The following THSD7A variants were observed in gnomAD, a reference collection of about 807,000 sequenced individuals.
THSD7A encodes thrombospondin type-1 domain-containing protein 7A.
In THSD7A, 96 loss-of-function variants were observed where a neutral mutation model predicts 231.3. The ratio of observed to expected loss-of-function variants is 0.41; its 90% CI spans 0.35 to 0.49. The LOEUF (loss-of-function observed/expected upper bound fraction) is 0.49. THSD7A is among the 20% of genes least tolerant of loss of function. THSD7A has a pLI of 0.05. For missense variants in THSD7A, 2,290 were observed against 2,070.2 expected (o/e 1.11, Z -2.06); for synonymous variants, 940 against 743.3 (o/e 1.26, Z -4.30).
At chr7:11,812,897 A>T (rs1784574105) in intron 1 of THSD7A, among the ~76,000 whole-genome samples, 1 of 152,132 alleles carries the variant, frequency 6.6e-6, no homozygotes, top group Non-Finnish European at 1.5e-5. Context: ...CAGGTACCTG[A>T]GTTTATTCTT....
At chr7:11,540,376 C>A (rs1789093766) in intron 6 of THSD7A, among the ~76,000 whole-genome samples, 1 of 152,170 alleles carries the variant, frequency 6.6e-6, no homozygotes, top group Non-Finnish European at 1.5e-5. Context: ...TTCTTTACGA[C>A]TGAACAGTGA....
At chr7:11,423,040 A>C (rs1248089640) in intron 16 of THSD7A, among the ~76,000 whole-genome samples, 2 of 152,166 alleles carry the variant, frequency 1.3e-5, no homozygotes, top group Non-Finnish European at 2.9e-5. Context: ...ATTTGAAAGG[A>C]GAATAGTGGA....
At chr7:11,771,707 A>C (rs1403298408) in intron 1 of THSD7A, among the ~76,000 whole-genome samples, 3 of 152,124 alleles carry the variant, frequency 2.0e-5, no homozygotes, top group African/African-American at 7.2e-5. Flanking sequence ...CTAATTGATA[A>C]GGTTTGGATC....
chr7:11,829,273 T>C (rs967058688), intron 1 of THSD7A, among the ~76,000 whole-genome samples: 4 of 151,852 alleles, frequency 2.6e-5, no homozygotes, highest in African/African-American at 9.7e-5. Flanking sequence ...CCCTTATTTG[T>C]TGTATATATG....
intron 23 of THSD7A, among the ~76,000 whole-genome samples, chr7:11,392,786 G>T (rs1783035608): frequency 6.6e-6 from 1 of 152,210 alleles, no homozygotes; most frequent in African/African-American, 2.4e-5. Flanking sequence ...ACTGGGCAGA[G>T]CCCACCACAG....
chr7:11,500,939 A>G (rs1787308052), intron 6 of THSD7A, among the ~76,000 whole-genome samples: 1 of 134,940 alleles, frequency 7.4e-6, no homozygotes, highest in Admixed American at 8.1e-5. Flanking sequence ...GTCTCAAAAA[A>G]AGAAAGAAAA....
chr7:11,601,356 T>C (rs1780544594), intron 2 of THSD7A, among the ~76,000 whole-genome samples: 1 of 152,182 alleles, frequency 6.6e-6, no homozygotes, highest in African/African-American at 2.4e-5. Flanking sequence ...TACTAGATTA[T>C]ATTGTTTATG....
At position 11,479,489 on chromosome 7, in the gene THSD7A, T is replaced by C. The variant is rs886356; in HGVS notation, c.2017+2299A>G. Among the ~76,000 whole-genome samples the C allele has an allele frequency of 2.0e-3, 310 of 152,340 alleles. 2 individuals are homozygous for C. Among genetic ancestry groups the C allele is most frequent in the African/African-American group, 7.1e-3 (295 of 41,582 alleles). ...ATCCACAGAAATTTAAGAACATTTA[T>C]GACACAAAGCACTAATTCTTGAAGA... On this transcript the variant is annotated intron_variant, in intron 7 of 27. Coordinates refer to ENST00000423059, the MANE Select transcript of THSD7A (RefSeq NM_015204.3).
chr7:11,685,673 A>C (rs1584209870), intron 1 of THSD7A, among the ~76,000 whole-genome samples: 1 of 152,136 alleles, frequency 6.6e-6, no homozygotes, highest in East Asian at 1.9e-4. Context: ...ACAATGATAT[A>C]CCATCTCATA....
In THSD7A at chr7:11,542,994, T is replaced by C. The variant is rs1442982865; in HGVS notation, c.1577A>G (p.Tyr526Cys). ...CCCTTGCTGATCATTACAGTTTTCA[T>C]AAGTACAAGGTCCCCAAGCTGACCA... ...SPWSAWGPCT[Y>C]ENCNDQQGKK... is the part of the protein sequence containing the mutation. Residue 526 changes from tyrosine (Y) to cysteine (C), a missense_variant, in exon 5 of 28, where the codon TAT becomes TGT. Coordinates refer to ENST00000423059, the MANE Select transcript of THSD7A (RefSeq NM_015204.3). The C allele has an allele frequency of 1.2e-6, 2 of 1,613,728 alleles. No homozygotes were observed. The highest frequency in any genetic ancestry group is 8.5e-7 in the Non-Finnish European group (1 of 1,179,816).
At chr7:11,585,118 T>C (rs1791343210) in intron 4 of THSD7A, among the ~76,000 whole-genome samples, 1 of 152,218 alleles carries the variant, frequency 6.6e-6, no homozygotes, top group African/African-American at 2.4e-5. Context: ...GCCTTTTTGG[T>C]TGAATACTTC....
chr7:11,390,859 G>T (rs1038208664), intron 23 of THSD7A, among the ~76,000 whole-genome samples: 1 of 152,208 alleles, frequency 6.6e-6, no homozygotes, highest in Non-Finnish European at 1.5e-5. Context: ...ACCCTCTGCT[G>T]CAGGTCTGCT....
rs1440761588 is a variant in THSD7A, at chr7:11,373,553, CCTGA to C, written c.*2237_*2240del. ...TGCTTTAAAGTAAAATTTTCATCTT[CCTGA>C]CTACCTGTTCTCTTTGAAATGATTT... On this transcript the variant is annotated 3_prime_UTR_variant, in exon 28 of 28. Coordinates refer to ENST00000423059, the MANE Select transcript of THSD7A (RefSeq NM_015204.3). 6.6e-6 allele frequency: 1 copy of C among 151,882 alleles called. No individual in the cohort carries two copies. The highest frequency in any genetic ancestry group is 1.9e-4 in the East Asian group (1 of 5,192). 9.4% of individuals were successfully genotyped at this position (151,882 alleles called of 1,614,324 possible).
At chr7:11,420,129 C>T (rs575020939) in intron 16 of THSD7A, among the ~76,000 whole-genome samples, 4 of 152,296 alleles carry the variant, frequency 2.6e-5, no homozygotes, top group Non-Finnish European at 4.4e-5. Flanking sequence ...AACCCATTTT[C>T]TGGGAAGGAA....
intron 22 of THSD7A, among the ~76,000 whole-genome samples, chr7:11,402,242 A>G (rs1464366797): frequency 6.6e-6 from 1 of 152,230 alleles, no homozygotes; most frequent in Non-Finnish European, 1.5e-5. Context: ...ACCGTAATTC[A>G]TCTCTTCTTA....
chr7:11,626,972 G>T (rs1425232188), intron 2 of THSD7A, among the ~76,000 whole-genome samples: 1 of 151,980 alleles, frequency 6.6e-6, no homozygotes, highest in African/African-American at 2.4e-5. Flanking sequence ...ACCTTAGAAG[G>T]TTCCATTTTC....
At chr7:11,698,147 T>C (rs550873632) in intron 1 of THSD7A, among the ~76,000 whole-genome samples, 187 of 151,568 alleles carry the variant, frequency 1.2e-3, no homozygotes, top group Middle Eastern at 3.4e-3. Flanking sequence ...TGTATGTATG[T>C]ATCTAAATAT....
chr7:11,747,199 C>T (rs562109714), intron 1 of THSD7A, among the ~76,000 whole-genome samples: 117 of 151,862 alleles, frequency 7.7e-4, no homozygotes, highest in Non-Finnish European at 1.4e-3. Flanking sequence ...CACATTAAAC[C>T]TGTTAAATAT....
At chr7:11,716,347 G>A (rs1781136575) in intron 1 of THSD7A, among the ~76,000 whole-genome samples, 1 of 151,540 alleles carries the variant, frequency 6.6e-6, no homozygotes, top group Admixed American at 6.6e-5. Context: ...TAATAATGAA[G>A]TAGAGATTAA....
Sources: allele counts gnomAD v4.1 joint callset (sites outside exome capture counted in the v4.1 genomes callset), GRCh38; gene constraint gnomAD v4.1.1; transcripts MANE v1.5; gene names NCBI Gene and HGNC (gene_info 2026-07-23, HGNC 2026-07-21).